C12orf42: variants seen among roughly 807,000 people sequenced by gnomAD.
C12orf42 encodes the protein chromosome 12 open reading frame 42.
A neutral mutation model predicts 21.6 loss-of-function variants in C12orf42; 25 were observed. The ratio of observed to expected loss-of-function variants is 1.16; its 90% confidence interval spans 0.84 to 1.62. C12orf42 has a LOEUF of 1.62. Among genes scored for constraint, C12orf42 ranks in the 40% most tolerant of loss-of-function variants. C12orf42 has a pLI of 0.00. For synonymous variants in C12orf42, 174 were observed against 175.0 expected, an observed-to-expected ratio of 0.99 and a Z score of 0.05; for missense variants, 483 against 459.3, an observed-to-expected ratio of 1.05 and a Z score of -0.47.
chr12:103,048,483 C>T, the C12orf42 span, among the ~76,000 whole-genome samples: 3,817 of 152,118 alleles, frequency 0.025, 152 homozygotes, highest in African/African-American at 0.087. Context: ...ACGTGTGGAA[C>T]GTCTGACCAA....
chr12:103,051,690 GT>G, the C12orf42 span, among the ~76,000 whole-genome samples: 35 of 152,144 alleles, frequency 2.3e-4, no homozygotes, highest in African/African-American at 8.0e-4. Flanking sequence ...CATGAGCAGG[GT>G]TTTGGGGAGT....
chr12:103,308,825 A>G (rs7961837), intron 4 of C12orf42, among the ~76,000 whole-genome samples: 24,332 of 152,142 alleles, frequency 0.16, 1,988 homozygotes, highest in South Asian at 0.23. Flanking sequence ...GTGGTCCTTA[A>G]TCCAATATGA....
At chr12:103,513,625 A>T in the C12orf42 span, among the ~76,000 whole-genome samples, 6 of 152,238 alleles carry the variant, frequency 3.9e-5, no homozygotes, top group Admixed American at 6.5e-5. Flanking sequence ...ATAAGTTATA[A>T]TCCAACTCTG....
At chr12:103,398,429 G>T (rs1435811503) in intron 3 of C12orf42, among the ~76,000 whole-genome samples, 1 of 152,028 alleles carries the variant, frequency 6.6e-6, no homozygotes, top group Non-Finnish European at 1.5e-5. Context: ...TTCCTTGTTA[G>T]TATTTGCTCT....
chr12:103,161,264 A>G, the C12orf42 span, among the ~76,000 whole-genome samples: 2 of 152,214 alleles, frequency 1.3e-5, no homozygotes, highest in Admixed American at 6.5e-5. Flanking sequence ...CAAATAGTTA[A>G]GCATTGAAAG....
chr12:103,169,280 TA>T, the C12orf42 span, among the ~76,000 whole-genome samples: 1 of 152,092 alleles, frequency 6.6e-6, no homozygotes, highest in Non-Finnish European at 1.5e-5. Flanking sequence ...CTCTGTGCCC[TA>T]TGTAAATCAG....
chr12:103,282,069 A>T (rs1335785887), intron 4 of C12orf42, among the ~76,000 whole-genome samples: 1 of 152,208 alleles, frequency 6.6e-6, no homozygotes, highest in African/African-American at 2.4e-5. Flanking sequence ...TTTCTTCTTT[A>T]GTTATGTTTA....
the C12orf42 span, among the ~76,000 whole-genome samples, chr12:103,072,769 T>A: frequency 6.6e-6 from 1 of 152,196 alleles, no homozygotes; most frequent in Non-Finnish European, 1.5e-5. Flanking sequence ...CACCAGCATC[T>A]GTTGTTTTTT....
downstream of C12orf42, among the ~76,000 whole-genome samples, chr12:103,297,661 T>C (rs1009560099): frequency 2.2e-4 from 34 of 151,722 alleles, no homozygotes; most frequent in South Asian, 4.2e-4. Flanking sequence ...AAAAAGAGAA[T>C]TTTAGACCAA....
intron 3 of C12orf42, among the ~76,000 whole-genome samples, chr12:103,391,421 C>T (rs1400200424): frequency 6.6e-6 from 1 of 152,016 alleles, no homozygotes; most frequent in East Asian, 1.9e-4. Flanking sequence ...CACATTTTTG[C>T]CAAAACATAT....
At chr12:103,292,672 A>G (rs1416144812) in intron 4 of C12orf42, among the ~76,000 whole-genome samples, 1 of 152,096 alleles carries the variant, frequency 6.6e-6, no homozygotes, top group East Asian at 1.9e-4. Flanking sequence ...TAGCTTTGAA[A>G]ATGCTTTAGA....
chr12:103,328,860 A>G (rs930545957), intron 4 of C12orf42, among the ~76,000 whole-genome samples: 1 of 152,188 alleles, frequency 6.6e-6, no homozygotes, highest in Non-Finnish European at 1.5e-5. Flanking sequence ...GGAGTGAGAG[A>G]TGTGCCTCCT....
chr12:103,456,572 A>G (rs188759775), intron 2 of C12orf42, among the ~76,000 whole-genome samples: 2 of 152,298 alleles, frequency 1.3e-5, no homozygotes, highest in African/African-American at 4.8e-5. Context: ...ATTGTTTACC[A>G]TTCTTATTAT....
intron 2 of C12orf42, among the ~76,000 whole-genome samples, chr12:103,475,098 G>A: frequency 6.6e-6 from 1 of 152,196 alleles, no homozygotes; most frequent in East Asian, 1.9e-4. Flanking sequence ...GTGGAACCAT[G>A]TAGATTCAGA....
chr12:103,226,800 C>T, the C12orf42 span, among the ~76,000 whole-genome samples: 1 of 152,032 alleles, frequency 6.6e-6, no homozygotes, highest in African/African-American at 2.4e-5. Flanking sequence ...CTCAACGACG[C>T]TTGTGGTTGG....
chr12:103,372,969 T>C (rs993702068), intron 3 of C12orf42, among the ~76,000 whole-genome samples: 7 of 152,186 alleles, frequency 4.6e-5, no homozygotes, highest in Non-Finnish European at 8.8e-5. Context: ...AAAGAATGAA[T>C]GAAGACAAAC....
intron 3 of C12orf42, among the ~76,000 whole-genome samples, chr12:103,380,689 A>G (rs1363670366): frequency 6.6e-6 from 1 of 152,316 alleles, no homozygotes; most frequent in South Asian, 2.1e-4. Context: ...TTCCTTAAGT[A>G]TATGTTTTAT....
the C12orf42 span, among the ~76,000 whole-genome samples, chr12:103,513,982 C>A: frequency 6.6e-6 from 1 of 151,972 alleles, no homozygotes; most frequent in Non-Finnish European, 1.5e-5. Flanking sequence ...AAGACAAAAC[C>A]GAGACTAGGT....
At chr12:103,269,758 T>A (rs75524125) in intron 6 of C12orf42, 13,847 of 152,116 alleles carry the variant, frequency 0.091, 806 homozygotes, top group Middle Eastern at 0.13. Context: ...CAGTGCTGTG[T>A]GCTCAGTACT....
Sources: allele counts gnomAD v4.1 joint callset (sites outside exome capture counted in the v4.1 genomes callset), GRCh38; gene constraint gnomAD v4.1.1; transcripts MANE v1.5; gene names NCBI Gene and HGNC (gene_info 2026-07-23, HGNC 2026-07-21).